The following DERA variants were observed in gnomAD, a reference collection of about 807,000 sequenced individuals.
DERA encodes the protein 2-deoxy-D-ribose 5-phosphate aldolase.
In DERA, 15 loss-of-function variants were observed where a neutral mutation model predicts 41.1. The ratio of observed to expected loss-of-function variants is 0.37; its 90% CI spans 0.24 to 0.56. The LOEUF is 0.56. Ranked by LOEUF, DERA falls within the 20% of genes least tolerant of loss-of-function variation. The pLI, the probability that DERA is intolerant of heterozygous loss-of-function variation, is 0.81. For missense variants in DERA, 396 were observed against 403.4 expected, an observed-to-expected ratio of 0.98 and a Z score of 0.16; for synonymous variants, 139 against 137.4, an observed-to-expected ratio of 1.01 and a Z score of -0.08.
intron 1 of DERA, among the ~76,000 whole-genome samples, chr12:15,947,872 C>T (rs890975410): frequency 3.3e-5 from 5 of 152,168 alleles, no homozygotes; most frequent in Admixed American, 1.3e-4. Flanking sequence ...ACATTTAGTG[C>T]TTCCTTCAGG....
chr12:15,951,963 G>A lies in DERA; in HGVS notation c.32-4973G>A, dbSNP rs564521130. Reference sequence around the variant, plus strand: ...GTTGCCCAGGCTAGAGTACAGTGGCGCAATCTCAGCTCACTGCAACCTCCG... The same window carrying A: ...GTTGCCCAGGCTAGAGTACAGTGGCACAATCTCAGCTCACTGCAACCTCCG... On this transcript the variant is annotated intron_variant, in intron 1 of 8. Coordinates refer to ENST00000428559, the MANE Select transcript of DERA (RefSeq NM_015954.4). Among the ~76,000 whole-genome samples, 5 of 151,316 alleles carry A rather than the reference G, an allele frequency of 3.3e-5. No homozygotes were observed. The East Asian group carries it at 5.9e-4, about 18-fold the overall frequency.
At chr12:15,961,668 G>A (rs1321675512) in intron 4 of DERA, among the ~76,000 whole-genome samples, 1 of 152,200 alleles carries the variant, frequency 6.6e-6, no homozygotes, top group East Asian at 1.9e-4. Context: ...TTTTTCATCA[G>A]CCTCAGTCAG....
chr12:15,975,175 C>T (rs1030919414), intron 5 of DERA, among the ~76,000 whole-genome samples: 1 of 152,104 alleles, frequency 6.6e-6, no homozygotes, highest in Non-Finnish European at 1.5e-5. Flanking sequence ...TATTACTACT[C>T]AAGTCAGTCT....
intron 4 of DERA, among the ~76,000 whole-genome samples, chr12:15,960,647 A>C (rs1283835381): frequency 6.7e-6 from 1 of 148,822 alleles, no homozygotes; most frequent in Non-Finnish European, 1.5e-5. Context: ...AAAAAAAAAA[A>C]AAAAAAAAAA....
rs573304731 is a variant in DERA, at chr12:15,970,760, T to C, written c.508+7813T>C. On this transcript the variant is annotated intron_variant, in intron 5 of 8. Transcript: ENST00000428559. This position sits in a 1 kb window ranked among gnomAD's most constrained non-coding sequence, Gnocchi z 4.3. ...ATATCTGTAGACCTGATTCTTTCCA[T>C]GTTGTTTTCAGAGGTTGACACCAAA... Among the ~76,000 whole-genome samples, 19 of 152,340 alleles carry C rather than the reference T, an allele frequency of 1.2e-4. No individual in the cohort carries two copies. The South Asian group carries it at 3.9e-3, about 32-fold the overall frequency.
At chr12:16,025,912 C>G (rs1477667760) in intron 6 of DERA, among the ~76,000 whole-genome samples, 1 of 151,904 alleles carries the variant, frequency 6.6e-6, no homozygotes, top group Non-Finnish European at 1.5e-5. Flanking sequence ...TGAAAGATCC[C>G]CAAATGTTTG....
chr12:16,023,808 A>C (rs780930054), intron 6 of DERA, among the ~76,000 whole-genome samples: 12 of 152,242 alleles, frequency 7.9e-5, no homozygotes, highest in Non-Finnish European at 1.5e-4. Flanking sequence ...AACAAGTATC[A>C]GAATCAGATT....
In DERA at chr12:15,976,352, G is replaced by T. The variant is rs926509115; in HGVS notation, c.509-5956G>T. ...TCCTCCCCAACCCCTAGAATTTTCA[G>T]TCCTCGCTGGTAAGGGTGACCTTCA... On this transcript the variant is annotated intron_variant, in intron 5 of 8. Transcript: ENST00000428559. The surrounding 1 kb of genome is among the most constrained non-coding windows in gnomAD (Gnocchi z 4.1). Among the ~76,000 whole-genome samples, 13 of 152,046 alleles carry T rather than the reference G, an allele frequency of 8.6e-5. No homozygotes were observed. Among genetic ancestry groups the T allele is most frequent in the African/African-American group, 2.9e-4 (12 of 41,378 alleles).
rs1949126497 is a variant in DERA at position 16,036,173 on chromosome 12, A to G, written c.751-59A>G. The G allele has an allele frequency of 1.4e-6, 2 of 1,410,214 alleles. No homozygotes were observed. The highest frequency in any genetic ancestry group is 1.9e-6 in the Non-Finnish European group (2 of 1,069,838). 87.4% of individuals were successfully genotyped at this position (1,410,214 alleles called of 1,614,324 possible). A position where few individuals can be genotyped will look rare whatever the true frequency, so the allele number is the denominator to read the frequency against. ...TCAAGACTCTGATAAACATAGTACT[A>G]TTTTTAAAAGAAATCCAATAACAAT... On this transcript the variant is annotated intron_variant, in intron 7 of 8. Transcript: ENST00000428559. The surrounding 1 kb of genome is among the most constrained non-coding windows in gnomAD (Gnocchi z 4.9).
At chr12:16,005,178 C>G (rs1035289896) in intron 6 of DERA, among the ~76,000 whole-genome samples, 1 of 152,166 alleles carries the variant, frequency 6.6e-6, no homozygotes, top group Non-Finnish European at 1.5e-5. Context: ...CACAGTGGCT[C>G]ATGCCTGCAA....
chr12:15,913,040 G>A lies in DERA; in HGVS notation c.31+1626G>A, dbSNP rs1372036251. Among the ~76,000 whole-genome samples, 1 of 152,168 alleles carries A rather than the reference G, an allele frequency of 6.6e-6. No homozygotes were observed. Among genetic ancestry groups the A allele is most frequent in the African/African-American group, 2.4e-5 (1 of 41,436 alleles). On this transcript the variant is annotated intron_variant, in intron 1 of 8. Transcript: ENST00000428559. The surrounding 1 kb of genome is among the most constrained non-coding windows in gnomAD (Gnocchi z 4.5). ...AGGTTTGGGGTGGTGTCTTACCTGG[G>A]TATTCCCAGGAATATGACCATGTGA...
intron 6 of DERA, among the ~76,000 whole-genome samples, chr12:16,030,006 TC>T (rs1297048339): frequency 2.4e-5 from 3 of 125,628 alleles, no homozygotes; most frequent in African/African-American, 8.9e-5. Context: ...CACTGCAACC[TC>T]CACCTCCCAG....
In DERA at chr12:15,943,917, C is replaced by T. The variant is rs965698170; in HGVS notation, c.32-13019C>T. Among the ~76,000 whole-genome samples the T allele has an allele frequency of 7.5e-6, 1 of 133,782 alleles. No homozygotes were observed. The highest frequency in any genetic ancestry group is 2.8e-5 in the African/African-American group (1 of 36,342). The allele number at this position is 133,782 out of a possible 152,430, so 87.8% of individuals were successfully genotyped here. A position where few individuals can be genotyped will look rare whatever the true frequency, so the allele number is the denominator to read the frequency against. On this transcript the variant is annotated intron_variant, in intron 1 of 8. Coordinates refer to ENST00000428559, the MANE Select transcript of DERA (RefSeq NM_015954.4). The surrounding 1 kb of genome is among the most constrained non-coding windows in gnomAD (Gnocchi z 4.5). Reference sequence around the variant, plus strand: ...CGACAGACCCTGGTGTGTGATGTTCCCCTTCCTGTGTCCAAGTGTTCTCAT... The same window carrying T: ...CGACAGACCCTGGTGTGTGATGTTCTCCTTCCTGTGTCCAAGTGTTCTCAT...
At chr12:15,942,993 A>G (rs540536046) in intron 1 of DERA, among the ~76,000 whole-genome samples, 11 of 152,326 alleles carry the variant, frequency 7.2e-5, no homozygotes, top group African/African-American at 2.4e-4. Context: ...GTTGGACCAT[A>G]TTGGGAAGAG....
chr12:16,024,347 C>T (rs181107418), intron 6 of DERA, among the ~76,000 whole-genome samples: 431 of 152,162 alleles, frequency 2.8e-3, no homozygotes, highest in African/African-American at 9.6e-3. Context: ...TGCACCTAGA[C>T]ATATTATAGT....
In DERA at chr12:15,931,724, T is replaced by C. The variant is rs1005628218; in HGVS notation, c.31+20310T>C. ...GGCCTAGTGAGAGGTCTTTGGGTCA[T>C]GTAGGTGGATTTATGTGAACAGATT... On this transcript the variant is annotated intron_variant, in intron 1 of 8. Coordinates refer to ENST00000428559, the MANE Select transcript of DERA (RefSeq NM_015954.4). The surrounding 1 kb of genome is among the most constrained non-coding windows in gnomAD (Gnocchi z 4.6). Among the ~76,000 whole-genome samples the C allele has an allele frequency of 1.3e-5, 2 of 152,262 alleles. No individual in the cohort carries two copies. Among genetic ancestry groups the C allele is most frequent in the African/African-American group, 4.8e-5 (2 of 41,544 alleles).
In DERA at chr12:16,017,454, A is replaced by G. The variant is rs893365739; in HGVS notation, c.638-15088A>G. On this transcript the variant is annotated intron_variant, in intron 6 of 8. Transcript: ENST00000428559. The surrounding 1 kb of genome is among the most constrained non-coding windows in gnomAD (Gnocchi z 5.5). ...TCTTTCTCTTTACCCCCTTTCTCAC[A>G]TGGGTAGCTAATTATCCTTGGATCA... Among the ~76,000 whole-genome samples, 4 of 152,126 alleles carry G rather than the reference A, an allele frequency of 2.6e-5. No homozygotes were observed. Among genetic ancestry groups the G allele is most frequent in the Middle Eastern group, 3.4e-3 (1 of 294 alleles).
rs1465640763 is a variant in DERA at position 15,956,729 on chromosome 12, G to A, written c.32-207G>A. Reference sequence around the variant, plus strand: ...TGTGGTTTTTGCCTTTGAAAGTAATGGAGTGATTTTGCATGAAGTATGCCT... The same window carrying A: ...TGTGGTTTTTGCCTTTGAAAGTAATAGAGTGATTTTGCATGAAGTATGCCT... On this transcript the variant is annotated intron_variant, in intron 1 of 8. Coordinates refer to ENST00000428559, the MANE Select transcript of DERA (RefSeq NM_015954.4). The A allele has an allele frequency of 1.1e-5, 7 of 641,262 alleles. 1 individual carries two copies. The Admixed American group carries it at 1.2e-4, about 11-fold the overall frequency. 39.7% of individuals were successfully genotyped at this position (641,262 alleles called of 1,614,324 possible).
In DERA at chr12:15,965,716, T is replaced by G. The variant is rs1948617818; in HGVS notation, c.508+2769T>G. Among the ~76,000 whole-genome samples, 1 of 152,166 alleles carries G rather than the reference T, an allele frequency of 6.6e-6. No individual in the cohort carries two copies. The highest frequency in any genetic ancestry group is 1.5e-5 in the Non-Finnish European group (1 of 68,026). On this transcript the variant is annotated intron_variant, in intron 5 of 8. Transcript: ENST00000428559. This position sits in a 1 kb window ranked among gnomAD's most constrained non-coding sequence, Gnocchi z 4.1. ...AAATTTCTAACTTTTCCACCCTCCT[T>G]GAAGCTCCTTCACTGTTAGCATATG...
Sources: gnomAD v4.1 joint callset for allele counts (sites outside exome capture counted in the v4.1 genomes callset) on GRCh38, gnomAD v4.1.1 for gene constraint, Gnocchi (gnomAD v3.1) non-coding constraint, MANE v1.5 for transcripts, NCBI Gene and HGNC (gene_info 2026-07-23, HGNC 2026-07-21) for gene names.